The following MMD2 variants were observed in gnomAD, a reference collection of about 807,000 sequenced individuals.
The protein encoded by MMD2 is monocyte to macrophage differentiation associated 2, also known as monocyte to macrophage differentiation factor 2.
In MMD2, 30 loss-of-function variants were observed where a neutral mutation model predicts 33.5. The observed-to-expected ratio is 0.90, with a 90% CI of 0.67 to 1.22. MMD2 has a LOEUF of 1.22. Among genes scored for constraint, MMD2 ranks in the 50% most tolerant of loss-of-function variants. The pLI, the probability that MMD2 is intolerant of heterozygous loss-of-function variation, is 0.00. For synonymous variants in MMD2, 129 were observed against 123.0 expected, an observed-to-expected ratio of 1.05 and a Z score of -0.32; for missense variants, 364 against 325.4, an observed-to-expected ratio of 1.12 and a Z score of -0.91.
intron 5 of MMD2, chr7:4,910,167 CTCACTT>C: frequency 1.0e-6 from 1 of 1,000,926 alleles, no homozygotes. Flanking sequence ...CTCCCTGAGA[CTCACTT>C]TCCACACCTG....
intron 6 of MMD2, chr7:4,909,619 T>G (rs1368556086): frequency 4.7e-6 from 3 of 637,928 alleles, no homozygotes; most frequent in Non-Finnish European, 8.4e-6. Context: ...TTTTTTTTTT[T>G]AGAGATGGGT....
At chr7:4,897,426 T>C in the MMD2 span, among the ~76,000 whole-genome samples, 1 of 152,138 alleles carries the variant, frequency 6.6e-6, no homozygotes. Flanking sequence ...CAGCAGGACA[T>C]TTTTTTAAAA....
At chr7:4,954,329 C>T (rs1786328210) in intron 1 of MMD2, among the ~76,000 whole-genome samples, 1 of 152,078 alleles carries the variant, frequency 6.6e-6, no homozygotes, top group South Asian at 2.1e-4. Flanking sequence ...ATATTAATTA[C>T]TTGTTGGTTA....
chr7:4,925,588 A>G (rs1246748800), intron 1 of MMD2, 56 bp from the exon 2 acceptor site: 2 of 1,397,748 alleles, frequency 1.4e-6, no homozygotes, highest in East Asian at 5.0e-5. Flanking sequence ...TGCCATCCGA[A>G]TTCCCAGGAA....
chr7:4,944,760 C>CTTTTT (rs142716643), intron 1 of MMD2, among the ~76,000 whole-genome samples: 114 of 75,286 alleles, frequency 1.5e-3, no homozygotes, highest in African/African-American at 1.8e-3. Context: ...TCTTCTTCTT[C>CTTTTT]TTTTTTTTTT....
chr7:4,939,344 G>T (rs989446750), intron 1 of MMD2, among the ~76,000 whole-genome samples: 2 of 152,016 alleles, frequency 1.3e-5, no homozygotes, highest in African/African-American at 2.4e-5. Flanking sequence ...TTCAAGACAC[G>T]CCTGGGCAAC....
intron 5 of MMD2, 145 bp from the exon 6 acceptor site, chr7:4,910,095 C>A: frequency 6.4e-7 from 1 of 1,569,044 alleles, no homozygotes; most frequent in Non-Finnish European, 8.6e-7. Context: ...CACGCCTTGG[C>A]TCAGATTTCA....
In MMD2 at chr7:4,907,069, AAC is replaced by A; in HGVS notation, c.*325_*326del. The A allele has an allele frequency of 2.9e-6, 1 of 340,588 alleles. No homozygotes were observed. The highest frequency in any genetic ancestry group is 3.2e-5 in the South Asian group (1 of 31,004). The allele number at this position is 340,588 out of a possible 1,614,324, so 21.1% of individuals were successfully genotyped here. ...TGCCAGATTCTTCAGGACCTTAGGA[AAC>A]ACAGATTGGCCCGTCATTCCCCAAT... On this transcript the variant is annotated 3_prime_UTR_variant, in exon 7 of 7. Coordinates refer to ENST00000401401, the MANE Select transcript of MMD2 (RefSeq NM_198403.4).
Position 4,957,465 on chromosome 7 carries a change from G to A in MMD2, c.47+1506C>T, listed in dbSNP as rs922320775. Among the ~76,000 whole-genome samples the A allele has an allele frequency of 1.2e-4, 7 of 56,844 alleles. No homozygotes were observed. In the East Asian group the frequency reaches 0.11, roughly 870 times the overall value. 37.3% of individuals were successfully genotyped at this position (56,844 alleles called of 152,430 possible). On this transcript the variant is annotated intron_variant, in intron 1 of 6. Coordinates refer to ENST00000401401, the MANE Select transcript of MMD2 (RefSeq NM_198403.4). ...AGATTGAGACCATCCTGGCTAACGC[G>A]GTGAAACCCCAGTCTCTACTAAAAA...
intron 1 of MMD2, among the ~76,000 whole-genome samples, chr7:4,948,244 A>G (rs1006103623): frequency 6.6e-6 from 1 of 152,120 alleles, no homozygotes; most frequent in Non-Finnish European, 1.5e-5. Flanking sequence ...CCACATGTTG[A>G]GGCCGGGTGT....
chr7:4,906,498 A>G lies in MMD2; in HGVS notation c.*898T>C. On this transcript the variant is annotated 3_prime_UTR_variant, in exon 7 of 7. Transcript: ENST00000401401. ...CAAGTGCCTGGGGGCTGTTTGCCCCATCTTATGAATGAATAGCTCTCGTAA... is the reference window on the plus strand; with the variant it reads ...CAAGTGCCTGGGGGCTGTTTGCCCCGTCTTATGAATGAATAGCTCTCGTAA... 2.5e-6 allele frequency: 1 copy of G among 398,650 alleles called. No homozygotes were observed. The highest frequency in any genetic ancestry group is 4.4e-6 in the Non-Finnish European group (1 of 226,086). 24.7% of individuals were successfully genotyped at this position (398,650 alleles called of 1,614,324 possible). A position where few individuals can be genotyped will look rare whatever the true frequency, so the allele number is the denominator to read the frequency against.
chr7:4,918,128 C>A (rs1429118799), intron 3 of MMD2, among the ~76,000 whole-genome samples: 2 of 152,190 alleles, frequency 1.3e-5, no homozygotes, highest in African/African-American at 4.8e-5. Context: ...CAGCCCCAGC[C>A]AGCCTCTGAC....
chr7:4,922,489 G>A (rs538862989), intron 2 of MMD2, among the ~76,000 whole-genome samples: 48 of 152,068 alleles, frequency 3.2e-4, no homozygotes, highest in Non-Finnish European at 5.0e-4. Context: ...TAAATAAACA[G>A]CAGCTATCCA....
chr7:4,909,646 G>C (rs1784955075), intron 6 of MMD2: 2 of 704,872 alleles, frequency 2.8e-6, no homozygotes, highest in South Asian at 3.0e-5. Flanking sequence ...ATGTTGCCCA[G>C]GCTGGTCTCA....
intron 1 of MMD2, among the ~76,000 whole-genome samples, chr7:4,936,994 C>T (rs1261439180): frequency 6.6e-6 from 1 of 151,590 alleles, no homozygotes; most frequent in Non-Finnish European, 1.5e-5. Flanking sequence ...CCTCGGCCTC[C>T]CAAAGTGTTG....
chr7:4,954,918 C>G (rs1156775868), intron 1 of MMD2, among the ~76,000 whole-genome samples: 1 of 152,128 alleles, frequency 6.6e-6, no homozygotes, highest in Non-Finnish European at 1.5e-5. Flanking sequence ...GGTAGGGTTC[C>G]TATTCCACTG....
chr7:4,955,414 A>C (rs930170745), intron 1 of MMD2, among the ~76,000 whole-genome samples: 3 of 152,146 alleles, frequency 2.0e-5, no homozygotes, highest in Admixed American at 1.3e-4. Context: ...ATTTTTTACA[A>C]TGTCACACAG....
intron 4 of MMD2, among the ~76,000 whole-genome samples, chr7:4,913,936 C>G (rs747735838): frequency 6.6e-5 from 10 of 152,028 alleles, no homozygotes; most frequent in Non-Finnish European, 1.5e-4. Context: ...GCTGGGATTA[C>G]AGGCGTTAGC....
intron 2 of MMD2, 30 bp downstream of exon 2, chr7:4,925,421 C>T (rs1400699135): frequency 1.3e-6 from 2 of 1,492,186 alleles, no homozygotes; most frequent in African/African-American, 1.4e-5. Flanking sequence ...GTCCCCATCT[C>T]AGCCCTGAGC....
Sources: gnomAD v4.1 joint callset for allele counts (sites outside exome capture counted in the v4.1 genomes callset) on GRCh38, gnomAD v4.1.1 for gene constraint, MANE v1.5 for transcripts, NCBI Gene and HGNC (gene_info 2026-07-23, HGNC 2026-07-21) for gene names.